Variants in LARGE1 observed in about 807,000 individuals in gnomAD.
LARGE1 encodes the protein xylosyl- and glucuronyltransferase LARGE1.
A neutral mutation model predicts 87.6 loss-of-function variants in LARGE1; 43 were observed. The observed-to-expected ratio is 0.49, with a 90% CI of 0.38 to 0.63. The LOEUF (loss-of-function observed/expected upper bound fraction) is 0.63. Among genes scored for constraint, LARGE1 ranks in the 30% least tolerant of loss-of-function variants. The probability of loss-of-function intolerance (pLI) is 0.00; values close to 1 mark genes in which losing one functional copy is unlikely to be tolerated. For synonymous variants in LARGE1, 434 were observed against 394.6 expected (o/e 1.10, Z -1.18); for missense variants, 802 against 1,000.2 (o/e 0.80, Z 2.67).
At position 33,273,455 on chromosome 22, in the gene LARGE1, G is replaced by C. The variant is rs1233699346; in HGVS notation, c.*972C>G. On this transcript the variant is annotated 3_prime_UTR_variant, in exon 15 of 15. Coordinates refer to ENST00000397394, the MANE Select transcript of LARGE1 (RefSeq NM_133642.5). ...GAAAGTTCTTCGAAAGGCCTGAGAGGTTCGTACCTTGTGTGTGCACTGAAG... is the reference window on the plus strand; with the variant it reads ...GAAAGTTCTTCGAAAGGCCTGAGAGCTTCGTACCTTGTGTGTGCACTGAAG... 6 of 398,620 alleles carry C rather than the reference G, an allele frequency of 1.5e-5. No homozygotes were observed. Among genetic ancestry groups the C allele is most frequent in the Non-Finnish European group, 2.2e-5 (5 of 226,066 alleles). 24.7% of individuals were successfully genotyped at this position (398,620 alleles called of 1,614,324 possible). A position where few individuals can be genotyped will look rare whatever the true frequency, so the allele number is the denominator to read the frequency against.
intron 1 of LARGE1, among the ~76,000 whole-genome samples, chr22:33,857,677 A>AC (rs1398679032): frequency 6.6e-6 from 1 of 152,214 alleles, no homozygotes; most frequent in African/African-American, 2.4e-5. Context: ...ATATTACTGC[A>AC]CACCCAGGGC....
At chr22:33,904,545 G>A (rs1248112403) in intron 1 of LARGE1, among the ~76,000 whole-genome samples, 1 of 152,152 alleles carries the variant, frequency 6.6e-6, no homozygotes, top group Non-Finnish European at 1.5e-5. Context: ...CAGGGCTCCT[G>A]GCATCCCATG....
the LARGE1 span, among the ~76,000 whole-genome samples, chr22:33,142,165 TC>T: frequency 6.6e-6 from 1 of 152,248 alleles, no homozygotes; most frequent in Non-Finnish European, 1.5e-5. Flanking sequence ...CAGGCAATGT[TC>T]AGCTCTGTCT....
chr22:33,467,129 C>T (rs1010324231), intron 6 of LARGE1, among the ~76,000 whole-genome samples: 4 of 152,140 alleles, frequency 2.6e-5, no homozygotes, highest in African/African-American at 9.7e-5. Context: ...TCCATTTTTC[C>T]AGAGGCAGGT....
the LARGE1 span, among the ~76,000 whole-genome samples, chr22:33,086,549 C>CTTT: frequency 1.8e-4 from 20 of 108,438 alleles, no homozygotes; most frequent in African/African-American, 3.0e-4. Context: ...AGTTCTTCTA[C>CTTT]TTTTTTTTTT....
chr22:33,478,807 G>C (rs2069186995), intron 6 of LARGE1, among the ~76,000 whole-genome samples: 1 of 152,148 alleles, frequency 6.6e-6, no homozygotes, highest in Non-Finnish European at 1.5e-5. Context: ...CCCGTAGCAG[G>C]GATAGTCCAA....
At chr22:33,457,372 G>A (rs761927143) in intron 6 of LARGE1, among the ~76,000 whole-genome samples, 18 of 136,742 alleles carry the variant, frequency 1.3e-4, no homozygotes, top group Middle Eastern at 4.5e-3. Flanking sequence ...GGCTGGTCTC[G>A]AACTCCTGAC....
rs2079664657 is a variant in LARGE1, at chr22:33,619,123, C to T, written c.491+7121G>A. On this transcript the variant is annotated intron_variant, in intron 4 of 14. Coordinates refer to ENST00000397394, the MANE Select transcript of LARGE1 (RefSeq NM_133642.5). Reference sequence around the variant, plus strand: ...CCCATCTTGCTCATTCTTTGAGTGTCCGTGTGCCTAATTCTTCCTGGTCAC... The same window carrying T: ...CCCATCTTGCTCATTCTTTGAGTGTTCGTGTGCCTAATTCTTCCTGGTCAC... Among the ~76,000 whole-genome samples, 4 of 152,186 alleles carry T rather than the reference C, an allele frequency of 2.6e-5. No homozygotes were observed. The South Asian group carries it at 8.3e-4, about 32-fold the overall frequency.
chr22:33,089,464 CTCT>C, the LARGE1 span, among the ~76,000 whole-genome samples: 6 of 142,472 alleles, frequency 4.2e-5, no homozygotes, highest in Admixed American at 1.4e-4. Flanking sequence ...CCTCCTCTTC[CTCT>C]TCTTCTTCCT....
the LARGE1 span, among the ~76,000 whole-genome samples, chr22:33,104,390 G>T: frequency 6.6e-6 from 1 of 152,330 alleles, no homozygotes; most frequent in East Asian, 1.9e-4. Context: ...CAGAGAAAGG[G>T]CTAGGGGCTA....
rs372332553 is a variant in LARGE1, at chr22:33,471,029, C to CTT, written c.788-38766_788-38765dup. On this transcript the variant is annotated intron_variant, in intron 6 of 14. Coordinates refer to ENST00000397394, the MANE Select transcript of LARGE1 (RefSeq NM_133642.5). ...AAACTTAATAGTCTTTCTTCTTCTT[C>CTT]TTTTTTTTTTTTTTTTTTGAGAGAG... Among the ~76,000 whole-genome samples, 1,211 of 129,702 alleles carry CTT rather than the reference C, an allele frequency of 9.3e-3. 22 individuals carry two copies. The highest frequency in any genetic ancestry group is 0.029 in the African/African-American group (1,013 of 34,988). The allele number at this position is 129,702 out of a possible 152,430, so 85.1% of individuals were successfully genotyped here. A position where few individuals can be genotyped will look rare whatever the true frequency, so the allele number is the denominator to read the frequency against.
chr22:33,679,287 C>T (rs1490685942), intron 2 of LARGE1, among the ~76,000 whole-genome samples: 2 of 152,062 alleles, frequency 1.3e-5, no homozygotes, highest in African/African-American at 4.8e-5. Context: ...TGTGTCCCAC[C>T]CCTAAAATTT....
chr22:33,246,406 G>T (rs1926760160), intron 11 of LARGE1, among the ~76,000 whole-genome samples: 1 of 152,190 alleles, frequency 6.6e-6, no homozygotes, highest in Admixed American at 6.5e-5. Context: ...AGCACTTTGG[G>T]AGGCTGAGCG....
intron 7 of LARGE1, 46 bp from the exon 8 acceptor site, chr22:33,384,350 GA>G: frequency 7.0e-7 from 1 of 1,423,698 alleles, no homozygotes; most frequent in Non-Finnish European, 9.9e-7. Flanking sequence ...AAATAAAAAA[GA>G]TGGAGAGCTA....
chr22:33,423,934 A>G (rs1286553398), intron 7 of LARGE1, among the ~76,000 whole-genome samples: 3 of 152,226 alleles, frequency 2.0e-5, no homozygotes, highest in East Asian at 1.9e-4. Flanking sequence ...TTTAGACTCA[A>G]TAAGGCTACT....
intron 3 of LARGE1, among the ~76,000 whole-genome samples, chr22:33,636,336 C>T (rs959129870): frequency 2.0e-5 from 3 of 152,176 alleles, no homozygotes; most frequent in Non-Finnish European, 2.9e-5. Flanking sequence ...GCCAGACAAT[C>T]ACTCAACAAT....
chr22:33,375,603 T>C (rs139255812), intron 9 of LARGE1, among the ~76,000 whole-genome samples: 1 of 152,364 alleles, frequency 6.6e-6, no homozygotes, highest in African/African-American at 2.4e-5. Context: ...ACTGCCTGAC[T>C]TCTAGGGTTC....
At chr22:33,640,258 TAGG>T (rs1412452786) in intron 3 of LARGE1, among the ~76,000 whole-genome samples, 2 of 152,108 alleles carry the variant, frequency 1.3e-5, no homozygotes, top group African/African-American at 4.8e-5. Flanking sequence ...TGCTCATGGG[TAGG>T]AGGCCAGCAC....
At chr22:33,751,134 C>T (rs1351558290) in intron 2 of LARGE1, among the ~76,000 whole-genome samples, 2 of 152,084 alleles carry the variant, frequency 1.3e-5, no homozygotes, top group Non-Finnish European at 2.9e-5. Context: ...AAGTGAAATA[C>T]TTAGTGAATT....
Sources: gnomAD v4.1 joint callset for allele counts (sites outside exome capture counted in the v4.1 genomes callset) on GRCh38, gnomAD v4.1.1 for gene constraint, MANE v1.5 for transcripts, NCBI Gene and HGNC (gene_info 2026-07-23, HGNC 2026-07-21) for gene names.